Variants in CXCL13 observed in about 807,000 individuals in gnomAD.
The protein encoded by CXCL13 is C-X-C motif chemokine 13.
A neutral mutation model predicts 12.2 loss-of-function variants in CXCL13; 7 were observed. The observed-to-expected ratio is 0.57, with a 90% CI of 0.33 to 1.07. The LOEUF (loss-of-function observed/expected upper bound fraction) is 1.07, where lower values mean the gene tolerates loss of function less well. Ranked by LOEUF, CXCL13 falls within the 50% of genes least tolerant of loss-of-function variation. CXCL13 has a pLI of 0.04. For missense variants in CXCL13, 113 were observed against 127.4 expected (o/e 0.89, Z 0.55); for synonymous variants, 47 against 42.4 (o/e 1.11, Z -0.42).
chr4:77,547,560 CT>C (rs907760183), intron 1 of CXCL13, among the ~76,000 whole-genome samples: 27 of 151,030 alleles, frequency 1.8e-4, no homozygotes, highest in Admixed American at 6.6e-4. Flanking sequence ...GCAACCCCTG[CT>C]TTTTTTTTGT....
intron 1 of CXCL13, among the ~76,000 whole-genome samples, chr4:77,559,107 C>T (rs355680): frequency 0.31 from 46,444 of 152,086 alleles, 9,336 homozygotes; most frequent in African/African-American, 0.57. Flanking sequence ...AACCATCTCA[C>T]GCTGGGATTG....
At chr4:77,534,934 C>A (rs1725023520) in intron 1 of CXCL13, among the ~76,000 whole-genome samples, 1 of 152,220 alleles carries the variant, frequency 6.6e-6, no homozygotes, top group South Asian at 2.1e-4. Flanking sequence ...CAGTAACTAC[C>A]TTTCTGGCAT....
chr4:77,574,423 A>T (rs539289394), intron 1 of CXCL13, among the ~76,000 whole-genome samples: 3 of 151,692 alleles, frequency 2.0e-5, no homozygotes, highest in Non-Finnish European at 4.4e-5. Flanking sequence ...ATGTTACCTC[A>T]CCTTTTTGAC....
chr4:77,520,305 C>A (rs539959942), intron 1 of CXCL13, among the ~76,000 whole-genome samples: 39 of 152,148 alleles, frequency 2.6e-4, no homozygotes, highest in Non-Finnish European at 4.1e-4. Flanking sequence ...TTACCTTGGG[C>A]AATATGACCA....
At chr4:77,552,637 T>C (rs905046333) in intron 1 of CXCL13, among the ~76,000 whole-genome samples, 1 of 152,216 alleles carries the variant, frequency 6.6e-6, no homozygotes, top group African/African-American at 2.4e-5. Context: ...GGTCCCCTGA[T>C]GGCAGACACA....
At chr4:77,525,564 G>A (rs543731301) in intron 1 of CXCL13, among the ~76,000 whole-genome samples, 1 of 152,120 alleles carries the variant, frequency 6.6e-6, no homozygotes, top group East Asian at 1.9e-4. Context: ...CTCATGGCTG[G>A]TCAGCAAAAT....
At chr4:77,609,604 C>T (rs1468837032) in intron 2 of CXCL13, among the ~76,000 whole-genome samples, 1 of 152,112 alleles carries the variant, frequency 6.6e-6, no homozygotes, top group Non-Finnish European at 1.5e-5. Context: ...TACCATGCTG[C>T]TGGCTGTTTG....
chr4:77,523,733 T>C (rs1724681680), intron 1 of CXCL13, among the ~76,000 whole-genome samples: 1 of 152,224 alleles, frequency 6.6e-6, no homozygotes. Context: ...AGTCATTCTC[T>C]GTCCAGCTTT....
chr4:77,519,616 C>T (rs1724524630), intron 1 of CXCL13, among the ~76,000 whole-genome samples: 1 of 151,944 alleles, frequency 6.6e-6, no homozygotes, highest in African/African-American at 2.4e-5. Flanking sequence ...GGATATTAGC[C>T]CTTTGTCAGA....
chr4:77,606,355 A>G (rs1484058606), intron 1 of CXCL13, among the ~76,000 whole-genome samples: 7 of 152,208 alleles, frequency 4.6e-5, no homozygotes, highest in Non-Finnish European at 1.0e-4. Context: ...AAATGGTTAG[A>G]TCTGACATCA....
At chr4:77,608,196 T>C (rs1046123942) in intron 2 of CXCL13, among the ~76,000 whole-genome samples, 2 of 152,110 alleles carry the variant, frequency 1.3e-5, no homozygotes, top group Non-Finnish European at 2.9e-5. Context: ...ATCCCAGCAC[T>C]TTAGGAGGCC....
chr4:77,575,640 G>A (rs1436728111), intron 1 of CXCL13, among the ~76,000 whole-genome samples: 1 of 151,640 alleles, frequency 6.6e-6, no homozygotes, highest in Non-Finnish European at 1.5e-5. Flanking sequence ...CTTTTTTTAT[G>A]GCTGCATAGT....
At chr4:77,605,263 A>G (rs1407645059), upstream of CXCL13, among the ~76,000 whole-genome samples, 1 of 152,220 alleles carries the variant, frequency 6.6e-6, no homozygotes, top group Non-Finnish European at 1.5e-5. Context: ...ATAAGTAATC[A>G]TATATTTCAG....
chr4:77,518,252 T>C (rs1578032125), intron 1 of CXCL13, among the ~76,000 whole-genome samples: 1 of 152,346 alleles, frequency 6.6e-6, no homozygotes, highest in East Asian at 1.9e-4. Flanking sequence ...TCAACTTTGG[T>C]AAATCTGACA....
chr4:77,528,891 C>T (rs1700475432), intron 1 of CXCL13, among the ~76,000 whole-genome samples: 1 of 152,188 alleles, frequency 6.6e-6, no homozygotes, highest in African/African-American at 2.4e-5. Flanking sequence ...AGGTTTTCTT[C>T]TAGGGTTTAA....
intron 1 of CXCL13, among the ~76,000 whole-genome samples, chr4:77,593,944 G>C (rs927537151): frequency 7.9e-5 from 12 of 152,228 alleles, no homozygotes; most frequent in African/African-American, 1.4e-4. Flanking sequence ...GGCTGAGTTA[G>C]AGGATAAACT....
intron 1 of CXCL13, among the ~76,000 whole-genome samples, chr4:77,607,137 T>C (rs1260592301): frequency 1.3e-5 from 2 of 152,180 alleles, no homozygotes; most frequent in Non-Finnish European, 2.9e-5. Context: ...CCAGGACTCT[T>C]GAGCCAGGTC....
chr4:77,608,432 C>T (rs1484716778), intron 2 of CXCL13, among the ~76,000 whole-genome samples: 3 of 149,234 alleles, frequency 2.0e-5, no homozygotes, highest in African/African-American at 7.6e-5. Context: ...AAGAGCGAAA[C>T]TCCATCTCAA....
intron 1 of CXCL13, among the ~76,000 whole-genome samples, chr4:77,539,369 C>T (rs560931887): frequency 1.8e-4 from 27 of 152,302 alleles, no homozygotes; most frequent in African/African-American, 5.1e-4. Flanking sequence ...TCAAGTGATC[C>T]GCCCATCTTG....
Sources: allele counts gnomAD v4.1 joint callset (sites outside exome capture counted in the v4.1 genomes callset), GRCh38; gene constraint gnomAD v4.1.1; transcripts MANE v1.5; gene names NCBI Gene and HGNC (gene_info 2026-07-23, HGNC 2026-07-21).